Variants in ABCG5 observed in about 807,000 individuals in gnomAD.
The protein encoded by ABCG5 is ATP-binding cassette sub-family G member 5.
A neutral mutation model predicts 64.5 loss-of-function variants in ABCG5; 64 were observed. The observed-to-expected ratio is 0.99, with a 90% CI of 0.81 to 1.22. ABCG5 has a LOEUF of 1.22. Among genes scored for constraint, ABCG5 ranks in the 50% most tolerant of loss-of-function variants. The pLI, the probability that ABCG5 is intolerant of heterozygous loss-of-function variation, is 0.00. For missense variants in ABCG5, 908 were observed against 829.5 expected (o/e 1.09, Z -1.16); for synonymous variants, 385 against 326.3 (o/e 1.18, Z -1.94).
intron 5 of ABCG5, among the ~76,000 whole-genome samples, chr2:43,826,722 A>G (rs1317923240): frequency 6.6e-6 from 1 of 152,242 alleles, no homozygotes; most frequent in Non-Finnish European, 1.5e-5. Context: ...CCAGCTCTGG[A>G]GCACATGTGG....
intron 10 of ABCG5, chr2:43,822,478 G>GCCACCCCCCCC (rs1667282921): frequency 2.3e-6 from 1 of 432,260 alleles, no homozygotes; most frequent in African/African-American, 2.2e-5. Flanking sequence ...CCTCCCCCAG[G>GCCACCCCCCCC]CCCCCCCCCA....
chr2:43,819,754 G>A (rs962237930), intron 11 of ABCG5, among the ~76,000 whole-genome samples, 161 bp downstream of exon 11: 3 of 152,122 alleles, frequency 2.0e-5, no homozygotes, highest in African/African-American at 7.2e-5. Flanking sequence ...AACAGTTCAA[G>A]GTCTAAGGCA....
downstream of ABCG5, chr2:43,810,126 C>CGTGG (rs1666431746): frequency 2.8e-6 from 1 of 359,616 alleles, no homozygotes; most frequent in Non-Finnish European, 3.9e-6. Flanking sequence ...TAAGTGCCCA[C>CGTGG]GTTAGACACA....
At chr2:43,826,671 T>C (rs1667627296) in intron 5 of ABCG5, 150 bp from the exon 6 acceptor site, 1 of 1,259,636 alleles carries the variant, frequency 7.9e-7, no homozygotes, top group Non-Finnish European at 1.1e-6. Flanking sequence ...GCTTTCAGCC[T>C]GAGCTCAGGA....
chr2:43,837,704 A>G, intron 2 of ABCG5, 130 bp downstream of exon 2: 1 of 1,261,384 alleles, frequency 7.9e-7, no homozygotes, highest in Non-Finnish European at 1.2e-6. Flanking sequence ...AGTTCCATTC[A>G]CAGTCAGATA....
chr2:43,827,375 T>A (rs149674504), intron 5 of ABCG5, among the ~76,000 whole-genome samples: 1 of 151,940 alleles, frequency 6.6e-6, no homozygotes, highest in Non-Finnish European at 1.5e-5. Context: ...TCTCTCTTAT[T>A]TGCCTTCTAG....
chr2:43,812,386 G>A (rs1371671314), downstream of ABCG5: 1 of 141,148 alleles, frequency 7.1e-6, no homozygotes, highest in Non-Finnish European at 1.5e-5. Context: ...TGTGCACAAT[G>A]TGCCTATAAG....
chr2:43,809,572 G>T, downstream of ABCG5: 1 of 678,148 alleles, frequency 1.5e-6, no homozygotes, highest in Non-Finnish European at 2.6e-6. Flanking sequence ...AAAATAATTG[G>T]CAAGAAATAT....
In ABCG5 at chr2:43,823,981, C is replaced by T. The variant is rs119479067; in HGVS notation, c.1256G>A (p.Arg419His). The T allele has an allele frequency of 2.5e-5, 41 of 1,614,064 alleles. No individual in the cohort carries two copies. In the East Asian group the frequency reaches 3.1e-4, roughly 12 times the overall value. ...CACAAACTGGTAAAGGAGACCTACG[C>T]GGTCCTGGATAGCACCCTTTAGCAC... ...SNVLKGAIQDRVGLLYQFVGA... is the reference protein window; with the variant it reads ...SNVLKGAIQDHVGLLYQFVGA... Residue 419 changes from arginine to histidine, a missense_variant, in exon 9 of 13, where the codon CGC (arginine) becomes CAC (histidine). Physicochemically the swap from Arg to His is conservative, Grantham distance 29. Transcript: ENST00000405322.
intron 4 of ABCG5, 141 bp downstream of exon 4, chr2:43,831,628 G>C: frequency 2.5e-6 from 2 of 815,062 alleles, no homozygotes; most frequent in Middle Eastern, 3.5e-4. Flanking sequence ...CAGGGTGCAC[G>C]GTGCAGGACG....
downstream of ABCG5, among the ~76,000 whole-genome samples, chr2:43,811,130 G>A (rs1275670180): frequency 6.6e-6 from 1 of 152,154 alleles, no homozygotes; most frequent in Admixed American, 6.5e-5. Flanking sequence ...TCTTTAGTAA[G>A]TTGAAATCAG....
intron 9 of ABCG5, 60 bp downstream of exon 9, chr2:43,823,853 A>G: frequency 2.5e-6 from 4 of 1,577,414 alleles, no homozygotes; most frequent in Non-Finnish European, 3.5e-6. Context: ...GTAAGGTTAC[A>G]GCTGGAGAAG....
chr2:43,831,670 G>T, intron 4 of ABCG5, 99 bp downstream of exon 4: 1 of 1,234,432 alleles, frequency 8.1e-7, no homozygotes, highest in Non-Finnish European at 1.1e-6. Context: ...GGAGTGACGA[G>T]CAAAGGGAAG....
intron 11 of ABCG5, among the ~76,000 whole-genome samples, chr2:43,816,705 A>G (rs1474934728): frequency 6.6e-6 from 1 of 152,148 alleles, no homozygotes; most frequent in Non-Finnish European, 1.5e-5. Flanking sequence ...CACCACACCC[A>G]CCTAATTCAT....
chr2:43,823,764 T>C (rs1667403658), intron 9 of ABCG5, 149 bp downstream of exon 9: 3 of 814,468 alleles, frequency 3.7e-6, no homozygotes, highest in African/African-American at 1.7e-5. Context: ...GGTAACTCAA[T>C]AGTTGCCTTT....
chr2:43,838,572 G>C lies in ABCG5; in HGVS notation c.108C>G (p.His36Gln). 6.2e-7 allele frequency: 1 copy of C among 1,608,882 alleles called. No individual in the cohort carries two copies. The highest frequency in any genetic ancestry group is 1.1e-5 in the South Asian group (1 of 89,972). ...EGAPATAPEP[H>Q]SLGILHASYS... ...AGGAGGCATGGAGGATGCCCAGGCT[G>C]TGAGGCTCCGGGGCGGTGGCAGGAG... Residue 36 changes from histidine (H) to glutamine (Q), a missense_variant, in exon 1 of 13, where the codon CAC becomes CAG. Transcript: ENST00000405322. This position sits in a 1 kb window ranked among gnomAD's most constrained non-coding sequence, Gnocchi z 4.2.
upstream of ABCG5, chr2:43,838,964 C>T: frequency 7.1e-7 from 1 of 1,414,600 alleles, no homozygotes; most frequent in Non-Finnish European, 9.7e-7. The surrounding 1 kb of genome is among the most constrained non-coding windows in gnomAD (Gnocchi z 4.2). Flanking sequence ...GGTGTCCCTG[C>T]TCCAGGAAAC....
chr2:43,838,657 G>T lies in ABCG5; in HGVS notation c.23C>A (p.Thr8Asn), dbSNP rs757846931. The T allele has an allele frequency of 6.2e-7, 1 of 1,613,668 alleles. No homozygotes were observed. The highest frequency in any genetic ancestry group is 8.5e-7 in the Non-Finnish European group (1 of 1,179,964). ...TTGGAGACCCATGGACCCTCCGGGG[G>T]TCAAAGATGAGAGGTCACCCATGGC... is the stretch of plus-strand genomic sequence containing the variant. MGDLSSL[T>N]PGGSMGLQVN... is the part of the protein sequence containing the mutation. Residue 8 changes from threonine (T) to asparagine (N), a missense_variant, in exon 1 of 13, where the codon ACC (threonine) becomes AAC (asparagine). Transcript: ENST00000405322. The surrounding 1 kb of genome is among the most constrained non-coding windows in gnomAD (Gnocchi z 4.2).
At chr2:43,836,868 A>G (rs954307926) in intron 2 of ABCG5, among the ~76,000 whole-genome samples, 1 of 152,094 alleles carries the variant, frequency 6.6e-6, no homozygotes, top group Admixed American at 6.6e-5. Context: ...TGTCTCTACA[A>G]AAAAAGATAA....
Sources: allele counts gnomAD v4.1 joint callset (sites outside exome capture counted in the v4.1 genomes callset), GRCh38; gene constraint gnomAD v4.1.1; non-coding constraint Gnocchi (gnomAD v3.1); transcripts MANE v1.5; gene names NCBI Gene and HGNC (gene_info 2026-07-23, HGNC 2026-07-21).